The following RHOBTB1 variants were observed in gnomAD, a reference collection of about 807,000 sequenced individuals.
RHOBTB1 encodes Rho related BTB domain containing 1, also known as rho-related BTB domain-containing protein 1.
RHOBTB1 carries 40 observed loss-of-function variants against 71.6 expected under a neutral mutation model. That is an observed-to-expected ratio of 0.56 (90% CI 0.43 to 0.73). The LOEUF is 0.73. Ranked by LOEUF, RHOBTB1 falls within the 30% of genes least tolerant of loss-of-function variation. RHOBTB1 has a pLI of 0.00. For synonymous variants in RHOBTB1, 319 were observed against 334.9 expected, an observed-to-expected ratio of 0.95 and a Z score of 0.52; for missense variants, 797 against 894.0, an observed-to-expected ratio of 0.89 and a Z score of 1.38.
chr10:60,958,145 A>G (rs934090137), intron 2 of RHOBTB1, among the ~76,000 whole-genome samples: 1 of 152,180 alleles, frequency 6.6e-6, no homozygotes, highest in Non-Finnish European at 1.5e-5. Flanking sequence ...AAAGTCAAGC[A>G]CCTCTAAAGG....
rs137973477 is a variant in RHOBTB1 at position 60,891,945 on chromosome 10, C to A, written c.482+865G>T. Reference sequence around the variant, plus strand: ...AATAGTGAGGAAGTTCTCATGAGATCTGGTGGTTTTATAAAGGGCATCCGC... The same window carrying A: ...AATAGTGAGGAAGTTCTCATGAGATATGGTGGTTTTATAAAGGGCATCCGC... On this transcript the variant is annotated intron_variant, in intron 5 of 10. Transcript: ENST00000337910. 6.0e-3 allele frequency among the ~76,000 whole-genome samples: 918 copies of A among 152,218 alleles called. 8 individuals are homozygous for A. Among genetic ancestry groups the A allele is most frequent in the African/African-American group, 0.021 (871 of 41,514 alleles).
chr10:60,895,220 A>G (rs540268611), intron 4 of RHOBTB1, among the ~76,000 whole-genome samples: 4 of 152,310 alleles, frequency 2.6e-5, no homozygotes, highest in Admixed American at 2.6e-4. Context: ...CAAAATAATG[A>G]TAGTTAAAGA....
At chr10:60,945,654 G>A (rs2085194484), upstream of RHOBTB1, among the ~76,000 whole-genome samples, 1 of 152,164 alleles carries the variant, frequency 6.6e-6, no homozygotes, top group Admixed American at 6.5e-5. Flanking sequence ...CTTGCCTGGT[G>A]CTCTCTAAAT....
intron 2 of RHOBTB1, among the ~76,000 whole-genome samples, chr10:60,924,457 T>C (rs1410979105): frequency 6.6e-6 from 1 of 152,040 alleles, no homozygotes; most frequent in Non-Finnish European, 1.5e-5. Context: ...AGCAAGAGGA[T>C]ATAGCAGTCA....
intron 4 of RHOBTB1, among the ~76,000 whole-genome samples, chr10:60,896,832 C>T (rs932944553): frequency 3.3e-5 from 5 of 151,956 alleles, no homozygotes; most frequent in African/African-American, 1.2e-4. Context: ...TGAAATAAAT[C>T]GAAATGTTGA....
chr10:60,882,572 C>T lies in RHOBTB1; in HGVS notation c.1575+3540G>A, dbSNP rs148635880. Among the ~76,000 whole-genome samples, 1,138 of 147,012 alleles carry T rather than the reference C, an allele frequency of 7.7e-3. 13 individuals carry two copies. Among genetic ancestry groups the T allele is most frequent in the African/African-American group, 0.027 (1,081 of 40,474 alleles). The stretch of plus-strand genomic sequence containing the variant: ...TATTTCACTCTTTTCTGGATATGCA[C>T]ATTAATTCTATTAATTCTCCAAAAA... On this transcript the variant is annotated intron_variant, in intron 7 of 10. Transcript: ENST00000337910.
At chr10:60,862,932 T>C in the RHOBTB1 span, among the ~76,000 whole-genome samples, 1 of 148,206 alleles carries the variant, frequency 6.7e-6, no homozygotes, top group Non-Finnish European at 1.5e-5. Context: ...TTCTTTCTTC[T>C]TTTGTCATAT....
In RHOBTB1 at chr10:60,911,397, T is replaced by A. The variant is rs1339080624; in HGVS notation, c.146A>T (p.His49Leu). 6.2e-7 allele frequency: 1 copy of A among 1,614,128 alleles called. No homozygotes were observed. Among genetic ancestry groups the A allele is most frequent in the South Asian group, 1.1e-5 (1 of 91,086 alleles). ...TLTQYQLLAT[H>L]VPTVWAIDQY... ...GTCAATCGCCCACACTGTTGGCACGTGGGTGGCCAGCAGCTGATACTGCGT... is the reference window on the plus strand; with the variant it reads ...GTCAATCGCCCACACTGTTGGCACGAGGGTGGCCAGCAGCTGATACTGCGT... The change falls in exon 3 of 11, where the codon CAC becomes CTC. Residue 49 changes from histidine (H) to leucine (L), a missense_variant. His to Leu is a moderately conservative substitution (Grantham distance 99, BLOSUM62 -3). This residue lies in a region of RHOBTB1 where 139 missense variants were observed against 212.5 expected (regional missense o/e 0.65). Coordinates refer to ENST00000337910, the MANE Select transcript of RHOBTB1 (RefSeq NM_014836.5).
At chr10:60,893,097 G>T in intron 4 of RHOBTB1, 102 bp from the exon 5 acceptor site, 5 of 786,128 alleles carry the variant, frequency 6.4e-6, no homozygotes, top group Non-Finnish European at 9.8e-6. Context: ...GCCATCTCAT[G>T]TCACAATTAA....
At chr10:60,909,646 A>G (rs1564913917) in intron 4 of RHOBTB1, among the ~76,000 whole-genome samples, 1 of 152,232 alleles carries the variant, frequency 6.6e-6, no homozygotes, top group African/African-American at 2.4e-5. Flanking sequence ...TGGACAAAAG[A>G]AAAAAGCAAA....
downstream of RHOBTB1, among the ~76,000 whole-genome samples, chr10:60,868,245 G>A (rs2080649401): frequency 6.6e-6 from 1 of 151,940 alleles, no homozygotes; most frequent in Non-Finnish European, 1.5e-5. Flanking sequence ...CATCCAACTA[G>A]GAGATCTGTA....
chr10:60,910,881 G>T lies in RHOBTB1; in HGVS notation c.296+6C>A, dbSNP rs199974431. On this transcript the variant is annotated splice_donor_region_variant and intron_variant, in intron 4 of 10. Transcript: ENST00000337910. Reference sequence around the variant, plus strand: ...GCTCAACCACGCTGTACTAGTCTTGGTTTACCTGCCATATGCAAAGCGTCT... The same window carrying T: ...GCTCAACCACGCTGTACTAGTCTTGTTTTACCTGCCATATGCAAAGCGTCT... 3.1e-4 allele frequency: 498 copies of T among 1,608,576 alleles called. 4 individuals carry two copies. In the East Asian group the frequency reaches 5.4e-3, roughly 18 times the overall value.
In RHOBTB1 at chr10:60,888,110, A is replaced by G. The variant is rs1297924874; in HGVS notation, c.1456+102T>C. ...GGTACATGGGAAAAAATAAGTACGT[A>G]TAAATGTTAGCTATCGTTCTTCTTT... On this transcript the variant is annotated intron_variant, in intron 6 of 10. Transcript: ENST00000337910. The G allele has an allele frequency of 4.3e-5, 57 of 1,320,828 alleles. 1 individual carries two copies. In the South Asian group the frequency reaches 8.0e-4, roughly 19 times the overall value. 81.8% of individuals were successfully genotyped at this position (1,320,828 alleles called of 1,614,324 possible). A position where few individuals can be genotyped will look rare whatever the true frequency, so the allele number is the denominator to read the frequency against.
chr10:60,958,341 C>A (rs2134481256), intron 2 of RHOBTB1, among the ~76,000 whole-genome samples: 1 of 152,240 alleles, frequency 6.6e-6, no homozygotes, highest in East Asian at 1.9e-4. Flanking sequence ...TCTGAGCCAA[C>A]CGTCTTGCAA....
chr10:60,978,773 T>C (rs1184886010), intron 2 of RHOBTB1, among the ~76,000 whole-genome samples: 6 of 152,218 alleles, frequency 3.9e-5, no homozygotes, highest in Non-Finnish European at 5.9e-5. Flanking sequence ...TAGAGCATTG[T>C]TATTTTGAAG....
At chr10:60,876,273 A>G (rs949157273) in intron 8 of RHOBTB1, among the ~76,000 whole-genome samples, 3 of 152,238 alleles carry the variant, frequency 2.0e-5, no homozygotes, top group African/African-American at 7.2e-5. Context: ...AAATACTATA[A>G]AGGATTAAAG....
downstream of RHOBTB1, among the ~76,000 whole-genome samples, chr10:60,864,672 T>TA (rs2080629455): frequency 6.6e-6 from 1 of 152,114 alleles, no homozygotes; most frequent in Admixed American, 6.6e-5. Context: ...TTCAGATGAC[T>TA]ACTTATTTTA....
chr10:60,878,112 C>T (rs887110263), intron 7 of RHOBTB1, 54 bp from the exon 8 acceptor site: 2 of 1,415,268 alleles, frequency 1.4e-6, no homozygotes, highest in Admixed American at 1.8e-5. Context: ...GGAGTGGGCA[C>T]ATTTTCAGGC....
chr10:60,997,320 A>G (rs1453061598), intron 1 of RHOBTB1, among the ~76,000 whole-genome samples: 1 of 152,204 alleles, frequency 6.6e-6, no homozygotes, highest in Non-Finnish European at 1.5e-5. Context: ...ATCACCAAAG[A>G]TATTTGTCAA....
Sources: gnomAD v4.1 joint callset for allele counts (sites outside exome capture counted in the v4.1 genomes callset) on GRCh38, gnomAD v4.1.1 for gene constraint, gnomAD v4.1.1 regional missense constraint, MANE v1.5 for transcripts, NCBI Gene and HGNC (gene_info 2026-07-23, HGNC 2026-07-21) for gene names.